SLMAP: variants seen among roughly 807,000 people sequenced by gnomAD.
SLMAP encodes sarcolemmal membrane-associated protein.
A neutral mutation model predicts 128.8 loss-of-function variants in SLMAP; 44 were observed. The observed-to-expected ratio is 0.34, with a 90% CI of 0.27 to 0.44. The LOEUF is 0.44. Among genes scored for constraint, SLMAP ranks in the 20% least tolerant of loss-of-function variants. The probability of loss-of-function intolerance (pLI) is 1.00; values close to 1 mark genes in which losing one functional copy is unlikely to be tolerated. For missense variants in SLMAP, 787 were observed against 985.3 expected (o/e 0.80, Z 2.69); for synonymous variants, 327 against 348.8 (o/e 0.94, Z 0.70).
rs528666303 is a variant in SLMAP at position 57,896,447 on chromosome 3, G to A, written c.1361-64G>A. On this transcript the variant is annotated intron_variant, in intron 15 of 24. Transcript: ENST00000671191. Reference sequence around the variant, plus strand: ...AGATTTTGAGCATTCATAGCCTGAAGCAGTTTTATTGATATAAGATATTTA... The same window carrying A: ...AGATTTTGAGCATTCATAGCCTGAAACAGTTTTATTGATATAAGATATTTA... The A allele has an allele frequency of 2.7e-6, 4 of 1,492,822 alleles. No individual in the cohort carries two copies. The African/African-American group carries it at 4.3e-5, about 16-fold the overall frequency. The allele number at this position is 1,492,822 out of a possible 1,614,324, so 92.5% of individuals were successfully genotyped here. A position where few individuals can be genotyped will look rare whatever the true frequency, so the allele number is the denominator to read the frequency against.
chr3:57,865,202 A>G (rs369454353), intron 12 of SLMAP, 40 bp from the exon 13 acceptor site: 1 of 1,123,132 alleles, frequency 8.9e-7, no homozygotes, highest in South Asian at 1.5e-5. Context: ...TTAAAGTAAT[A>G]CTTCTTTGAT....
intron 2 of SLMAP, among the ~76,000 whole-genome samples, chr3:57,824,614 G>A (rs2092783364): frequency 6.6e-6 from 1 of 152,096 alleles, no homozygotes; most frequent in Admixed American, 6.6e-5. Context: ...CTTTATATCT[G>A]TCCGTATGCC....
At chr3:57,822,047 ACTTAATTCATCCTGT>A (rs1363365255) in intron 2 of SLMAP, among the ~76,000 whole-genome samples, 9 of 152,114 alleles carry the variant, frequency 5.9e-5, no homozygotes, top group Non-Finnish European at 1.3e-4. Flanking sequence ...GGATTTTGGT[ACTTAATTCATCCTGT>A]CTTAATTTAT....
intron 17 of SLMAP, chr3:57,901,445 A>T (rs2096377210): frequency 1.3e-5 from 2 of 152,324 alleles, no homozygotes; most frequent in South Asian, 2.1e-4. Context: ...GTTTCATGGG[A>T]CAAGAGTCAT....
intron 17 of SLMAP, chr3:57,898,587 T>A (rs1225025129): frequency 1.3e-5 from 2 of 152,236 alleles, no homozygotes; most frequent in Non-Finnish European, 2.9e-5. Context: ...GTGTTAATTG[T>A]ATTCAACTAT....
intron 15 of SLMAP, among the ~76,000 whole-genome samples, chr3:57,893,538 A>G (rs528061445): frequency 6.6e-6 from 1 of 152,280 alleles, no homozygotes; most frequent in East Asian, 1.9e-4. Context: ...AGGCAACTTT[A>G]CCTTCCCAGC....
At chr3:57,861,810 G>A (rs1232042532) in intron 9 of SLMAP, 139 bp from the exon 10 acceptor site, 5 of 634,400 alleles carry the variant, frequency 7.9e-6, no homozygotes, top group Non-Finnish European at 1.3e-5. Flanking sequence ...ATTTGACTCA[G>A]CTTTATTTAA....
At chr3:57,860,509 A>C (rs998608741) in intron 8 of SLMAP, among the ~76,000 whole-genome samples, 190 bp from the exon 9 acceptor site, 5 of 152,150 alleles carry the variant, frequency 3.3e-5, no homozygotes, top group Non-Finnish European at 7.3e-5. Flanking sequence ...GAAATTAGTA[A>C]GTTTGTGAAG....
At chr3:57,809,036 C>G (rs1019322656) in intron 2 of SLMAP, among the ~76,000 whole-genome samples, 3 of 152,112 alleles carry the variant, frequency 2.0e-5, no homozygotes, top group Non-Finnish European at 2.9e-5. Flanking sequence ...GACTATGGAC[C>G]CTGGCCTCCC....
At chr3:57,920,908 A>G (rs1238132253) in intron 22 of SLMAP, among the ~76,000 whole-genome samples, 2 of 152,006 alleles carry the variant, frequency 1.3e-5, no homozygotes, top group Non-Finnish European at 2.9e-5. Flanking sequence ...TCCCAGCTAC[A>G]TGGAGGGCTA....
chr3:57,903,848 A>T (rs2096459853), intron 17 of SLMAP, among the ~76,000 whole-genome samples: 2 of 152,184 alleles, frequency 1.3e-5, no homozygotes, highest in Admixed American at 1.3e-4. Context: ...TCTTCATCTA[A>T]ACGCTTTTCC....
chr3:57,760,640 G>C (rs192154059), intron 2 of SLMAP, among the ~76,000 whole-genome samples: 1 of 151,956 alleles, frequency 6.6e-6, no homozygotes, highest in Non-Finnish European at 1.5e-5. Context: ...AGGGTTGCTT[G>C]AGCCCAGGAG....
At chr3:57,774,563 C>G (rs1278641320) in intron 2 of SLMAP, among the ~76,000 whole-genome samples, 1 of 151,676 alleles carries the variant, frequency 6.6e-6, no homozygotes, top group African/African-American at 2.4e-5. Context: ...CTTACTCTGT[C>G]CCCCAGGCTG....
At chr3:57,764,317 C>G in intron 2 of SLMAP, among the ~76,000 whole-genome samples, 1 of 152,062 alleles carries the variant, frequency 6.6e-6, no homozygotes, top group Non-Finnish European at 1.5e-5. Flanking sequence ...GCCTGGCCAA[C>G]ATGGTGAAAC....
intron 3 of SLMAP, among the ~76,000 whole-genome samples, chr3:57,840,605 T>C (rs2093886717): frequency 6.6e-6 from 1 of 152,120 alleles, no homozygotes; most frequent in Non-Finnish European, 1.5e-5. Context: ...AAATCTTCAA[T>C]AGGAAAAGGA....
chr3:57,890,418 A>C, intron 15 of SLMAP: 1 of 227,644 alleles, frequency 4.4e-6, no homozygotes, highest in Non-Finnish European at 8.5e-6. Context: ...CTTTGATCTC[A>C]AATTTTAATC....
intron 2 of SLMAP, among the ~76,000 whole-genome samples, chr3:57,826,037 A>G (rs964324335): frequency 2.0e-5 from 3 of 151,894 alleles, no homozygotes; most frequent in African/African-American, 7.3e-5. Context: ...CACTTTCTTC[A>G]TTCTTTATGG....
At chr3:57,892,783 A>AACAC (rs141561615) in intron 15 of SLMAP, among the ~76,000 whole-genome samples, 9,516 of 143,830 alleles carry the variant, frequency 0.066, 356 homozygotes, top group South Asian at 0.12. Flanking sequence ...TGTCTCTTAA[A>AACAC]ACACACACAC....
Position 57,858,166 on chromosome 3 carries a change from A to C in SLMAP, c.687+7A>C. On this transcript the variant is annotated splice_region_variant and intron_variant, in intron 8 of 24. Coordinates refer to ENST00000671191, the MANE Select transcript of SLMAP (RefSeq NM_001377540.1). Reference sequence around the variant, plus strand: ...ATTACAGGCATGCTCCAAAGTAGGTATTAACCTCAAATGTGTAAAATGAAA... The same window carrying C: ...ATTACAGGCATGCTCCAAAGTAGGTCTTAACCTCAAATGTGTAAAATGAAA... 1 of 1,520,854 alleles carries C rather than the reference A, an allele frequency of 6.6e-7. No homozygotes were observed. Among genetic ancestry groups the C allele is most frequent in the Non-Finnish European group, 9.1e-7 (1 of 1,095,526 alleles). 94.2% of individuals were successfully genotyped at this position (1,520,854 alleles called of 1,614,324 possible). A position where few individuals can be genotyped will look rare whatever the true frequency, so the allele number is the denominator to read the frequency against.
Sources: gnomAD v4.1 joint callset for allele counts (sites outside exome capture counted in the v4.1 genomes callset) on GRCh38, gnomAD v4.1.1 for gene constraint, MANE v1.5 for transcripts, NCBI Gene and HGNC (gene_info 2026-07-23, HGNC 2026-07-21) for gene names.